The following FEZ2 variants were observed in gnomAD, a reference collection of about 807,000 sequenced individuals.
FEZ2 encodes fasciculation and elongation protein zeta 2.
A neutral mutation model predicts 40.4 loss-of-function variants in FEZ2; 51 were observed. The observed-to-expected ratio is 1.26, with a 90% CI of 1.01 to 1.59. The LOEUF is 1.59. FEZ2 is among the 40% of genes most tolerant of loss of function. The pLI is 0.00. For synonymous variants in FEZ2, 242 were observed against 172.0 expected (o/e 1.41, Z -3.18); for missense variants, 640 against 438.3 (o/e 1.46, Z -4.11).
intron 5 of FEZ2, among the ~76,000 whole-genome samples, chr2:36,572,487 G>A (rs1047979041): frequency 1.3e-5 from 2 of 152,132 alleles, no homozygotes; most frequent in Admixed American, 1.3e-4. Context: ...ATCAGAGATT[G>A]GCAAACTTTT....
chr2:36,558,420 C>T lies in FEZ2; in HGVS notation c.979+18G>A, dbSNP rs1267613888. The T allele has an allele frequency of 6.8e-7, 1 of 1,461,478 alleles. No individual in the cohort carries two copies. Among genetic ancestry groups the T allele is most frequent in the Admixed American group, 2.4e-5 (1 of 42,148 alleles). The allele number at this position is 1,461,478 out of a possible 1,614,324, so 90.5% of individuals were successfully genotyped here. Reference sequence around the variant, plus strand: ...GCAAAAGGAAATCAGGTAATAGTTTCATTTTGTCTTTGCTCACTTTTTGTT... The same window carrying T: ...GCAAAAGGAAATCAGGTAATAGTTTTATTTTGTCTTTGCTCACTTTTTGTT... On this transcript the variant is annotated intron_variant, in intron 6 of 7. Coordinates refer to ENST00000405912, the MANE Select transcript of FEZ2 (RefSeq NM_005102.3).
intron 2 of FEZ2, among the ~76,000 whole-genome samples, chr2:36,585,555 T>C (rs1418249691): frequency 6.6e-6 from 1 of 152,162 alleles, no homozygotes; most frequent in East Asian, 1.9e-4. Context: ...GTGCGGTCCA[T>C]TTACTAAAAT....
intron 2 of FEZ2, among the ~76,000 whole-genome samples, chr2:36,586,493 G>A (rs188831523): frequency 9.2e-5 from 14 of 152,182 alleles, no homozygotes; most frequent in African/African-American, 3.4e-4. Context: ...CAGGCATGAT[G>A]GCACATGCCT....
chr2:36,558,682 A>G (rs1216677930), intron 5 of FEZ2, 169 bp from the exon 6 acceptor site: 1 of 406,084 alleles, frequency 2.5e-6, no homozygotes, highest in Non-Finnish European at 4.4e-6. Context: ...TCTCAGATGG[A>G]GCTCATTTTT....
In FEZ2 at chr2:36,554,244, T is replaced by C. The variant is rs1237569897; in HGVS notation, c.1046-1065A>G. ...GCTTCCCTAAGGCATGCGGTATAGG[T>C]AGGTTCACAATTATAGTCCTAGGTT... On this transcript the variant is annotated intron_variant, in intron 7 of 7. Coordinates refer to ENST00000405912, the MANE Select transcript of FEZ2 (RefSeq NM_005102.3). The C allele has an allele frequency of 6.4e-6, 3 of 471,034 alleles. No individual in the cohort carries two copies. The East Asian group carries it at 2.1e-4, about 33-fold the overall frequency. 29.2% of individuals were successfully genotyped at this position (471,034 alleles called of 1,614,324 possible).
intron 5 of FEZ2, among the ~76,000 whole-genome samples, chr2:36,568,274 G>A (rs571796015): frequency 6.6e-6 from 1 of 152,054 alleles, no homozygotes; most frequent in Non-Finnish European, 1.5e-5. Context: ...ACATACCAAA[G>A]CGCCAACAGA....
At chr2:36,586,492 T>C (rs1333705446) in intron 2 of FEZ2, among the ~76,000 whole-genome samples, 1 of 151,962 alleles carries the variant, frequency 6.6e-6, no homozygotes, top group Non-Finnish European at 1.5e-5. Flanking sequence ...CCAGGCATGA[T>C]GGCACATGCC....
Position 36,552,351 on chromosome 2 carries a change from C to A in FEZ2, c.*812G>T. On this transcript the variant is annotated 3_prime_UTR_variant, in exon 8 of 8. Coordinates refer to ENST00000405912, the MANE Select transcript of FEZ2 (RefSeq NM_005102.3). Reference sequence around the variant, plus strand: ...TTGATGAATCCATAAGTAGCTGTATCTAGAATTCATACTTAAGAAAAACAC... The same window carrying A: ...TTGATGAATCCATAAGTAGCTGTATATAGAATTCATACTTAAGAAAAACAC... 2.6e-6 allele frequency: 1 copy of A among 377,784 alleles called. No individual in the cohort carries two copies. Among genetic ancestry groups the A allele is most frequent in the South Asian group, 2.1e-5 (1 of 48,346 alleles). 23.4% of individuals were successfully genotyped at this position (377,784 alleles called of 1,614,324 possible). A position where few individuals can be genotyped will look rare whatever the true frequency, so the allele number is the denominator to read the frequency against.
At chr2:36,563,597 C>A (rs1377142003) in intron 5 of FEZ2, among the ~76,000 whole-genome samples, 2 of 152,084 alleles carry the variant, frequency 1.3e-5, no homozygotes, top group African/African-American at 2.4e-5. Flanking sequence ...TCAACTCCTA[C>A]CTCCCCAGAA....
chr2:36,572,863 T>C (rs1454556392), intron 5 of FEZ2, among the ~76,000 whole-genome samples: 1 of 152,212 alleles, frequency 6.6e-6, no homozygotes, highest in African/African-American at 2.4e-5. Context: ...GCAATGTAGC[T>C]GTGAAAGAAA....
intron 1 of FEZ2, among the ~76,000 whole-genome samples, chr2:36,595,858 G>A (rs9941555): frequency 0.4 from 60,099 of 152,044 alleles, 12,273 homozygotes; most frequent in East Asian, 0.66. Flanking sequence ...TAACAAGAGC[G>A]ACAAAATATT....
At chr2:36,594,831 G>T (rs1217077106) in intron 1 of FEZ2, among the ~76,000 whole-genome samples, 1 of 152,184 alleles carries the variant, frequency 6.6e-6, no homozygotes, top group Non-Finnish European at 1.5e-5. Flanking sequence ...AAATGGGATG[G>T]AATATTTCAC....
chr2:36,581,320 T>C lies in FEZ2; in HGVS notation c.604A>G (p.Lys202Glu). The C allele has an allele frequency of 1.2e-6, 2 of 1,613,606 alleles. No individual in the cohort carries two copies. The highest frequency in any genetic ancestry group is 1.7e-6 in the Non-Finnish European group (2 of 1,179,536). The change falls in exon 4 of 8, where the codon AAG (lysine) becomes GAG (glutamate). Residue 202 changes from lysine (K) to glutamate (E), a missense_variant. Coordinates refer to ENST00000405912, the MANE Select transcript of FEZ2 (RefSeq NM_005102.3). ...TCATAACTGCCGGTACTAGACCTCT[T>C]GAGAGTTTGAATTTCCTGGGAAAGC... ...SMLSQEIQTL[K>E]RSSTGSYEER...
chr2:36,556,895 G>T (rs889196582), intron 6 of FEZ2: 1 of 152,150 alleles, frequency 6.6e-6, no homozygotes, highest in African/African-American at 2.4e-5. Context: ...TCTCCACAGG[G>T]CTCTTCTTTT....
intron 5 of FEZ2, among the ~76,000 whole-genome samples, chr2:36,559,557 G>A (rs778826507): frequency 3.3e-5 from 5 of 152,228 alleles, no homozygotes; most frequent in Non-Finnish European, 7.3e-5. Context: ...CAATCTCTGA[G>A]ACACGTTAAG....
In FEZ2 at chr2:36,552,299, C is replaced by A. The variant is rs749570423; in HGVS notation, c.*864G>T. On this transcript the variant is annotated 3_prime_UTR_variant, in exon 8 of 8. Coordinates refer to ENST00000405912, the MANE Select transcript of FEZ2 (RefSeq NM_005102.3). ...AATTTATTAAATGCCATTGATTTGA[C>A]TGGAACCAGCAAAAGTGCTCATGAT... 2.4e-4 allele frequency: 104 copies of A among 428,676 alleles called. No homozygotes were observed. The highest frequency in any genetic ancestry group is 3.4e-4 in the Non-Finnish European group (72 of 214,856). The allele number at this position is 428,676 out of a possible 1,614,324, so 26.6% of individuals were successfully genotyped here. A position where few individuals can be genotyped will look rare whatever the true frequency, so the allele number is the denominator to read the frequency against.
intron 5 of FEZ2, among the ~76,000 whole-genome samples, chr2:36,571,194 AATT>A (rs554450385): frequency 2.6e-3 from 391 of 152,358 alleles, no homozygotes; most frequent in African/African-American, 9.0e-3. Flanking sequence ...CATAGGTTTG[AATT>A]ATTAAAATAA....
chr2:36,581,994 A>T (rs954908207), intron 3 of FEZ2, among the ~76,000 whole-genome samples: 1 of 152,178 alleles, frequency 6.6e-6, no homozygotes, highest in Non-Finnish European at 1.5e-5. Context: ...GGATTTTTTA[A>T]ATTACTCAAA....
intron 4 of FEZ2, among the ~76,000 whole-genome samples, chr2:36,579,701 CTT>C (rs1668678110): frequency 2.0e-5 from 3 of 152,140 alleles, no homozygotes; most frequent in Non-Finnish European, 4.4e-5. Context: ...AATTAAACCT[CTT>C]TTCGTATAAA....
Sources: allele counts gnomAD v4.1 joint callset (sites outside exome capture counted in the v4.1 genomes callset), GRCh38; gene constraint gnomAD v4.1.1; transcripts MANE v1.5; gene names NCBI Gene and HGNC (gene_info 2026-07-23, HGNC 2026-07-21).